The following CEP290 variants were observed in gnomAD, a reference collection of about 807,000 sequenced individuals.
CEP290 encodes the protein centrosomal protein 290.
A neutral mutation model predicts 344.9 loss-of-function variants in CEP290; 317 were observed. The observed-to-expected ratio is 0.92, with a 90% confidence interval of 0.84 to 1.01. The LOEUF (loss-of-function observed/expected upper bound fraction) is 1.01, where lower values mean the gene tolerates loss of function less well. Ranked by LOEUF, CEP290 falls within the 50% of genes least tolerant of loss-of-function variation. The pLI, the probability that CEP290 is intolerant of heterozygous loss-of-function variation, is 0.00. For synonymous variants in CEP290, 932 were observed against 895.8 expected (o/e 1.04, Z -0.72); for missense variants, 2,754 against 2,761.4 (o/e 1.00, Z 0.06).
In CEP290 at chr12:88,094,059, C is replaced by T. The variant is rs1271446769; in HGVS notation, c.3104-84G>A. On this transcript the variant is annotated intron_variant, in intron 27 of 53. Transcript: ENST00000552810. The stretch of plus-strand genomic sequence containing the variant: ...ATTTTAGATGCTGTATATTAGAAAG[C>T]ATTATAGTTCCATGGAAAGCACATT... 4.8e-6 allele frequency: 5 copies of T among 1,037,912 alleles called. No individual in the cohort carries two copies. In the East Asian group the frequency reaches 7.5e-5, roughly 16 times the overall value. 64.3% of individuals were successfully genotyped at this position (1,037,912 alleles called of 1,614,324 possible). A position where few individuals can be genotyped will look rare whatever the true frequency, so the allele number is the denominator to read the frequency against.
chr12:88,104,557 A>G (rs1273785365), intron 25 of CEP290, among the ~76,000 whole-genome samples: 1 of 152,032 alleles, frequency 6.6e-6, no homozygotes, highest in East Asian at 1.9e-4. Context: ...TATTGTATAT[A>G]TTAAAATTCA....
chr12:88,094,583 C>A (rs1232922954), intron 27 of CEP290, among the ~76,000 whole-genome samples: 2 of 151,490 alleles, frequency 1.3e-5, no homozygotes, highest in East Asian at 3.9e-4. Flanking sequence ...TCTTTGGACA[C>A]AAAAGTCTGT....
At chr12:88,073,708 G>T (rs1748250447) in intron 41 of CEP290, among the ~76,000 whole-genome samples, 1 of 152,096 alleles carries the variant, frequency 6.6e-6, no homozygotes, top group East Asian at 1.9e-4. Flanking sequence ...GAGGCAGGAA[G>T]ATTGTTTGAG....
chr12:88,097,881 G>C (rs991087680), intron 26 of CEP290, among the ~76,000 whole-genome samples: 2 of 152,102 alleles, frequency 1.3e-5, no homozygotes, highest in African/African-American at 4.8e-5. Flanking sequence ...ACAGTGAAAA[G>C]AAATATAAAA....
chr12:88,054,284 T>C, intron 51 of CEP290, 56 bp downstream of exon 51: 1 of 1,181,166 alleles, frequency 8.5e-7, no homozygotes, highest in Non-Finnish European at 1.2e-6. Context: ...ATATAAAAAC[T>C]AATAATTTTT....
At position 88,117,909 on chromosome 12, in the gene CEP290, G is replaced by A. The variant is rs1044222721; in HGVS notation, c.1711+574C>T. 5.3e-5 allele frequency among the ~76,000 whole-genome samples: 8 copies of A among 152,092 alleles called. No homozygotes were observed. In the South Asian group the frequency reaches 1.5e-3, roughly 28 times the overall value. On this transcript the variant is annotated intron_variant, in intron 17 of 53. Coordinates refer to ENST00000552810, the MANE Select transcript of CEP290 (RefSeq NM_025114.4). ...AAATAAGTCAGGCGTGGTGGCTCAC[G>A]CCTGTAGTCTCAACTACTCAGGAGG...
At chr12:88,129,644 G>T in intron 10 of CEP290, 50 bp downstream of exon 10, 1 of 1,055,572 alleles carries the variant, frequency 9.5e-7, no homozygotes, top group South Asian at 1.7e-5. Context: ...AAATAGTAAT[G>T]AGATAATATG....
intron 26 of CEP290, among the ~76,000 whole-genome samples, chr12:88,101,027 A>G (rs755268059): frequency 6.6e-6 from 1 of 152,158 alleles, no homozygotes; most frequent in Non-Finnish European, 1.5e-5. Flanking sequence ...GGGGAGTCAC[A>G]TGGGAGTCAC....
At chr12:88,141,628 C>T (rs1050593703) in intron 1 of CEP290, among the ~76,000 whole-genome samples, 1 of 152,046 alleles carries the variant, frequency 6.6e-6, no homozygotes, top group Non-Finnish European at 1.5e-5. Context: ...CCACAATGCG[C>T]GCGAACACCC....
chr12:88,121,174 G>C lies in CEP290; in HGVS notation c.1190-8C>G, dbSNP rs764602507. The C allele has an allele frequency of 6.2e-7, 1 of 1,600,078 alleles. No individual in the cohort carries two copies. The highest frequency in any genetic ancestry group is 8.5e-7 in the Non-Finnish European group (1 of 1,174,096). ...GAGAAAGGGTTGAAGCACCTACAGA[G>C]TAAAAACAAAAATCATGAATTGAAT... On this transcript the variant is annotated splice_region_variant and splice_polypyrimidine_tract_variant and intron_variant, in intron 13 of 53. Transcript: ENST00000552810.
intron 29 of CEP290, among the ~76,000 whole-genome samples, chr12:88,091,042 A>G (rs2036997542): frequency 6.6e-6 from 1 of 152,192 alleles, no homozygotes; most frequent in Non-Finnish European, 1.5e-5. Context: ...CTATATAAAA[A>G]AAACTTCATT....
At chr12:88,060,679 T>A (rs2034409598) in intron 47 of CEP290, 151 bp downstream of exon 47, 1 of 572,366 alleles carries the variant, frequency 1.7e-6, no homozygotes, top group African/African-American at 2.0e-5. Context: ...ACCCTTAGCC[T>A]TGCCTCTCAT....
chr12:88,126,562 A>C lies in CEP290; in HGVS notation c.943-124T>G, dbSNP rs545890242. The C allele has an allele frequency of 1.0e-5, 6 of 599,944 alleles. No homozygotes were observed. In the South Asian group the frequency reaches 1.6e-4, roughly 16 times the overall value. The allele number at this position is 599,944 out of a possible 1,614,324, so 37.2% of individuals were successfully genotyped here. On this transcript the variant is annotated intron_variant, in intron 11 of 53. Coordinates refer to ENST00000552810, the MANE Select transcript of CEP290 (RefSeq NM_025114.4). ...CAGAAAATAAAAATTATTTGAAATGAGAAAGTATGAGCAACTACTGGCATA... is the reference window on the plus strand; with the variant it reads ...CAGAAAATAAAAATTATTTGAAATGCGAAAGTATGAGCAACTACTGGCATA...
At chr12:88,116,100 G>A in intron 18 of CEP290, 10 of 981,336 alleles carry the variant, frequency 1.0e-5, no homozygotes, top group Non-Finnish European at 1.2e-5. Context: ...GTCTGAAGCT[G>A]TTGATAAGCC....
rs1459836393 is a variant in CEP290, at chr12:88,083,024, G to A, written c.5012+7C>T. 7.0e-7 allele frequency: 1 copy of A among 1,430,516 alleles called. No individual in the cohort carries two copies. Among genetic ancestry groups the A allele is most frequent in the African/African-American group, 1.5e-5 (1 of 68,954 alleles). 88.6% of individuals were successfully genotyped at this position (1,430,516 alleles called of 1,614,324 possible). On this transcript the variant is annotated splice_region_variant and intron_variant, in intron 37 of 53. Transcript: ENST00000552810. ...GCCTATTTTTACAATACATTTCGAA[G>A]ACTTACTGTAATTTGATATTTTCAA...
At chr12:88,093,655 C>A in intron 28 of CEP290, 115 bp downstream of exon 28, 1 of 694,826 alleles carries the variant, frequency 1.4e-6, no homozygotes, top group South Asian at 1.9e-5. Context: ...AAAACATAGG[C>A]ACTATATTAA....
At chr12:88,071,734 T>C in intron 42 of CEP290, 47 bp downstream of exon 42, 1 of 1,432,690 alleles carries the variant, frequency 7.0e-7, no homozygotes, top group Non-Finnish European at 9.4e-7. Flanking sequence ...TCCAGGTCAC[T>C]AAAGGATTTT....
At chr12:88,087,483 G>A (rs984645464) in intron 32 of CEP290, among the ~76,000 whole-genome samples, 7 of 151,964 alleles carry the variant, frequency 4.6e-5, no homozygotes, top group African/African-American at 1.4e-4. Context: ...CACTTTGGGA[G>A]GCCGAGGCGG....
intron 25 of CEP290, among the ~76,000 whole-genome samples, chr12:88,104,889 T>A (rs1265139603): frequency 6.6e-6 from 1 of 152,064 alleles, no homozygotes; most frequent in Non-Finnish European, 1.5e-5. Context: ...AAAATACAAG[T>A]GCAAAATCAA....
Sources: allele counts gnomAD v4.1 joint callset (sites outside exome capture counted in the v4.1 genomes callset), GRCh38; gene constraint gnomAD v4.1.1; transcripts MANE v1.5; gene names NCBI Gene and HGNC (gene_info 2026-07-23, HGNC 2026-07-21).